SGCZ: variants seen among roughly 807,000 people sequenced by gnomAD.
SGCZ encodes zeta-sarcoglycan.
A neutral mutation model predicts 41.3 loss-of-function variants in SGCZ; 40 were observed. The ratio of observed to expected loss-of-function variants is 0.97; its 90% CI spans 0.75 to 1.26. The LOEUF (loss-of-function observed/expected upper bound fraction) is 1.26. Ranked by LOEUF, SGCZ falls within the 50% of genes most tolerant of loss-of-function variation. SGCZ has a pLI of 0.00. For missense variants in SGCZ, 552 were observed against 369.8 expected (o/e 1.49, Z -4.04); for synonymous variants, 206 against 137.5 (o/e 1.50, Z -3.49).
intron 1 of SGCZ, among the ~76,000 whole-genome samples, chr8:15,024,322 C>A (rs77744205): frequency 0.039 from 5,893 of 152,124 alleles, 151 homozygotes; most frequent in Non-Finnish European, 0.056. Flanking sequence ...GAAAAAAAAT[C>A]TCAATTTGTT....
intron 1 of SGCZ, among the ~76,000 whole-genome samples, chr8:15,039,809 T>G (rs1804014864): frequency 6.6e-6 from 1 of 152,234 alleles, no homozygotes; most frequent in Non-Finnish European, 1.5e-5. Flanking sequence ...ATTATATGCT[T>G]ACTTCCATTT....
intron 4 of SGCZ, among the ~76,000 whole-genome samples, chr8:14,209,362 C>T (rs1257540385): frequency 2.0e-5 from 3 of 151,944 alleles, no homozygotes; most frequent in Admixed American, 6.6e-5. Flanking sequence ...GCCTGTTAAA[C>T]TCTGTTCCTA....
chr8:14,272,909 T>G (rs1343125905), intron 3 of SGCZ, among the ~76,000 whole-genome samples: 1 of 152,112 alleles, frequency 6.6e-6, no homozygotes, highest in African/African-American at 2.4e-5. Flanking sequence ...GGTTAACTCT[T>G]AGATGGAGAT....
intron 4 of SGCZ, among the ~76,000 whole-genome samples, chr8:14,188,046 T>C (rs759750260): frequency 5.3e-5 from 8 of 152,006 alleles, no homozygotes; most frequent in Non-Finnish European, 1.0e-4. Context: ...ATTCAAAGTG[T>C]TCAGATTTAA....
chr8:15,116,138 A>G (rs767352335), intron 1 of SGCZ, among the ~76,000 whole-genome samples: 1 of 152,208 alleles, frequency 6.6e-6, no homozygotes, highest in Non-Finnish European at 1.5e-5. Flanking sequence ...TAGTTTGCCT[A>G]TCTCTGCTCC....
At chr8:14,920,128 T>C (rs1052805601) in intron 1 of SGCZ, among the ~76,000 whole-genome samples, 11 of 152,160 alleles carry the variant, frequency 7.2e-5, no homozygotes, top group Non-Finnish European at 1.2e-4. Context: ...TTGTATCATT[T>C]ACAAGTTGAA....
At chr8:14,977,254 T>C (rs965832357) in intron 1 of SGCZ, among the ~76,000 whole-genome samples, 4 of 152,132 alleles carry the variant, frequency 2.6e-5, no homozygotes, top group Non-Finnish European at 5.9e-5. Context: ...ACAGATCTCT[T>C]TACCGGTGAG....
At chr8:14,529,862 G>T (rs1455844410) in intron 2 of SGCZ, among the ~76,000 whole-genome samples, 1 of 151,868 alleles carries the variant, frequency 6.6e-6, no homozygotes, top group African/African-American at 2.4e-5. Flanking sequence ...ATATATTAGT[G>T]TGCATTTGTT....
At chr8:15,092,318 C>T (rs1299271529) in intron 1 of SGCZ, among the ~76,000 whole-genome samples, 1 of 152,134 alleles carries the variant, frequency 6.6e-6, no homozygotes, top group Non-Finnish European at 1.5e-5. Flanking sequence ...ATAATCAATC[C>T]TTAGAACTCC....
At chr8:14,488,454 T>G (rs1801744020) in intron 2 of SGCZ, among the ~76,000 whole-genome samples, 1 of 152,278 alleles carries the variant, frequency 6.6e-6, no homozygotes, top group African/African-American at 2.4e-5. Context: ...GCCCTTCGCT[T>G]GTGCTTCCTA....
At chr8:15,045,254 T>C (rs1179817866) in intron 1 of SGCZ, among the ~76,000 whole-genome samples, 2 of 152,024 alleles carry the variant, frequency 1.3e-5, no homozygotes, top group Non-Finnish European at 2.9e-5. Flanking sequence ...AAAATTCAGA[T>C]AGATTGGGAG....
chr8:14,572,557 G>C (rs1348656739), intron 1 of SGCZ, among the ~76,000 whole-genome samples: 1 of 152,094 alleles, frequency 6.6e-6, no homozygotes, highest in Non-Finnish European at 1.5e-5. Context: ...AAGACCTTGA[G>C]AAGTTAAGGA....
At chr8:14,408,716 A>G (rs1464558479) in intron 2 of SGCZ, among the ~76,000 whole-genome samples, 1 of 151,942 alleles carries the variant, frequency 6.6e-6, no homozygotes, top group South Asian at 2.1e-4. Flanking sequence ...ATGGCATCTT[A>G]TTTATCAGGC....
intron 1 of SGCZ, among the ~76,000 whole-genome samples, chr8:15,028,234 C>G (rs991891853): frequency 2.6e-5 from 4 of 152,136 alleles, no homozygotes; most frequent in Non-Finnish European, 5.9e-5. Context: ...GGAAAGTGCT[C>G]TCATCTTCAG....
chr8:15,170,720 C>A (rs1585636273), intron 1 of SGCZ, among the ~76,000 whole-genome samples: 1 of 152,118 alleles, frequency 6.6e-6, no homozygotes, highest in African/African-American at 2.4e-5. Flanking sequence ...TTGAACTATG[C>A]AGTGTTTTAG....
In SGCZ at chr8:14,604,275, T is replaced by C. The variant is rs551988548; in HGVS notation, c.40-49349A>G. ...ACTTGCATTTCACCACCAACTTCAATTGATCGTCAGTAACTGCCTGGAGAG... is the reference window on the plus strand; with the variant it reads ...ACTTGCATTTCACCACCAACTTCAACTGATCGTCAGTAACTGCCTGGAGAG... On this transcript the variant is annotated intron_variant, in intron 1 of 7. Transcript: ENST00000382080. 3.9e-5 allele frequency among the ~76,000 whole-genome samples: 6 copies of C among 152,246 alleles called. No homozygotes were observed. In the East Asian group the frequency reaches 5.8e-4, roughly 15 times the overall value.
chr8:14,604,608 A>G (rs1412966526), intron 1 of SGCZ, among the ~76,000 whole-genome samples: 2 of 152,172 alleles, frequency 1.3e-5, no homozygotes, highest in Admixed American at 1.3e-4. Context: ...AAGGATTATC[A>G]TTCCTCCAAG....
At chr8:14,829,110 G>A (rs1802437881) in intron 1 of SGCZ, among the ~76,000 whole-genome samples, 1 of 134,462 alleles carries the variant, frequency 7.4e-6, no homozygotes, top group African/African-American at 3.4e-5. Flanking sequence ...CTTGTGTCAT[G>A]GAGTTTGTTG....
chr8:14,899,939 G>A lies in SGCZ; in HGVS notation c.39+337646C>T, dbSNP rs1342038521. Among the ~76,000 whole-genome samples, 5 of 152,160 alleles carry A rather than the reference G, an allele frequency of 3.3e-5. No individual in the cohort carries two copies. The East Asian group carries it at 9.7e-4, about 29-fold the overall frequency. On this transcript the variant is annotated intron_variant, in intron 1 of 7. Transcript: ENST00000382080. Reference sequence around the variant, plus strand: ...AGATGAAGTGAGTAGCTGGTGACCTGTACGTAGTTCTAGCAGAGGGTACCT... The same window carrying A: ...AGATGAAGTGAGTAGCTGGTGACCTATACGTAGTTCTAGCAGAGGGTACCT...
Sources: gnomAD v4.1 joint callset for allele counts (sites outside exome capture counted in the v4.1 genomes callset) on GRCh38, gnomAD v4.1.1 for gene constraint, MANE v1.5 for transcripts, NCBI Gene and HGNC (gene_info 2026-07-23, HGNC 2026-07-21) for gene names.